The following GALNT17 variants were observed in gnomAD, a reference collection of about 807,000 sequenced individuals.
GALNT17 encodes the protein UDP-GalNAc:polypeptide N-acetylgalactosaminyltransferase-like 3.
A neutral mutation model predicts 63.7 loss-of-function variants in GALNT17; 29 were observed. The ratio of observed to expected loss-of-function variants is 0.46; its 90% CI spans 0.34 to 0.62. The LOEUF (loss-of-function observed/expected upper bound fraction) is 0.62. GALNT17 is among the 20% of genes least tolerant of loss of function. The pLI, the probability that GALNT17 is intolerant of heterozygous loss-of-function variation, is 0.01. For synonymous variants in GALNT17, 305 were observed against 318.3 expected (o/e 0.96, Z 0.45); for missense variants, 603 against 799.6 (o/e 0.75, Z 2.97).
chr7:71,532,540 A>G (rs1466375134), intron 5 of GALNT17, among the ~76,000 whole-genome samples: 1 of 152,200 alleles, frequency 6.6e-6, no homozygotes, highest in Admixed American at 6.5e-5. Flanking sequence ...AAGTGACCAA[A>G]TCTTGATTAA....
chr7:71,571,378 A>G lies in GALNT17; in HGVS notation c.1056A>G (p.Gly352=). The G allele has an allele frequency of 6.2e-7, 1 of 1,613,894 alleles. No homozygotes were observed. The highest frequency in any genetic ancestry group is 8.5e-7 in the Non-Finnish European group (1 of 1,179,850). ...LLDPGMDVYG[G]ENIELGIKVW... ...ATCCTGGCATGGATGTATACGGAGG[A>G]GAAAATATTGAACTGGGAATCAAGG... Residue 352 remains glycine (G), a synonymous_variant, in exon 6 of 11, where the codon GGA becomes GGG. Transcript: ENST00000333538.
intron 5 of GALNT17, among the ~76,000 whole-genome samples, chr7:71,541,242 CAA>C (rs9297114): frequency 0.5 from 72,945 of 145,560 alleles, 18,350 homozygotes; most frequent in African/African-American, 0.61. Context: ...GACACTGTCT[CAA>C]AAAAAAAAAA....
intron 6 of GALNT17, among the ~76,000 whole-genome samples, chr7:71,604,916 G>A (rs1311835615): frequency 6.6e-6 from 1 of 152,124 alleles, no homozygotes; most frequent in Non-Finnish European, 1.5e-5. Context: ...ATCATATGTG[G>A]CAAAGAGCAG....
intron 6 of GALNT17, among the ~76,000 whole-genome samples, chr7:71,625,833 C>A (rs867774197): frequency 2.0e-5 from 3 of 152,244 alleles, no homozygotes; most frequent in Middle Eastern, 3.4e-3. Flanking sequence ...TATGTTGAAG[C>A]CTTAATCCCC....
At chr7:71,312,414 C>T (rs566840072) in intron 1 of GALNT17, among the ~76,000 whole-genome samples, 133 of 152,296 alleles carry the variant, frequency 8.7e-4, no homozygotes, top group Non-Finnish European at 1.4e-3. Flanking sequence ...TAACTCCTGC[C>T]GTGATGTCAT....
chr7:71,633,650 C>T (rs1311904154), intron 6 of GALNT17, among the ~76,000 whole-genome samples: 4 of 152,116 alleles, frequency 2.6e-5, no homozygotes, highest in Non-Finnish European at 4.4e-5. Context: ...AGAGGATCCT[C>T]GCAGCATTTG....
At chr7:71,176,994 A>G (rs889389176) in intron 1 of GALNT17, among the ~76,000 whole-genome samples, 1 of 152,140 alleles carries the variant, frequency 6.6e-6, no homozygotes, top group Admixed American at 6.5e-5. Context: ...TAAGCTGTGA[A>G]TGTAGTTACT....
chr7:71,289,969 C>T (rs1033181860), intron 1 of GALNT17, among the ~76,000 whole-genome samples: 10 of 151,862 alleles, frequency 6.6e-5, no homozygotes, highest in South Asian at 4.2e-4. Flanking sequence ...TGCTTGAACC[C>T]GTGAGGCGGA....
At chr7:71,610,020 A>G (rs1790101529) in intron 6 of GALNT17, among the ~76,000 whole-genome samples, 1 of 152,178 alleles carries the variant, frequency 6.6e-6, no homozygotes, top group Admixed American at 6.5e-5. Context: ...TGTCTTTTTA[A>G]CTGTGTCCAT....
At chr7:71,334,271 C>G (rs1305407701) in intron 1 of GALNT17, among the ~76,000 whole-genome samples, 5 of 152,210 alleles carry the variant, frequency 3.3e-5, no homozygotes, top group African/African-American at 4.8e-5. Flanking sequence ...AACCGTCTCA[C>G]TACCGGAGCA....
At chr7:71,504,862 A>G (rs1244739638) in intron 5 of GALNT17, among the ~76,000 whole-genome samples, 3 of 151,848 alleles carry the variant, frequency 2.0e-5, no homozygotes, top group East Asian at 3.9e-4. Context: ...AGATCTCTCT[A>G]TGCACCTCTG....
At chr7:71,652,167 C>G (rs978116994) in intron 6 of GALNT17, among the ~76,000 whole-genome samples, 24 of 152,018 alleles carry the variant, frequency 1.6e-4, no homozygotes, top group African/African-American at 5.8e-4. Flanking sequence ...CTGAACTGCT[C>G]ATCACAAAAC....
chr7:71,268,389 A>G, intron 1 of GALNT17, among the ~76,000 whole-genome samples: 1 of 31,328 alleles, frequency 3.2e-5, no homozygotes, highest in Admixed American at 6.1e-4. Context: ...AAAAAATACA[A>G]AAAAAAAAAA....
At chr7:71,197,890 G>A (rs1345362294) in intron 1 of GALNT17, among the ~76,000 whole-genome samples, 8 of 151,778 alleles carry the variant, frequency 5.3e-5, no homozygotes, top group Non-Finnish European at 8.8e-5. Context: ...TTTATTTATT[G>A]TAATCTTCTG....
chr7:71,155,135 A>G (rs1788210618), intron 1 of GALNT17, among the ~76,000 whole-genome samples: 1 of 151,752 alleles, frequency 6.6e-6, no homozygotes, highest in Non-Finnish European at 1.5e-5. Flanking sequence ...GCTGTTGTGT[A>G]ATGGCTCCCT....
intron 6 of GALNT17, among the ~76,000 whole-genome samples, chr7:71,651,415 G>C (rs1302193147): frequency 2.0e-5 from 3 of 151,494 alleles, no homozygotes; most frequent in African/African-American, 7.3e-5. Flanking sequence ...CAATTCTCCT[G>C]CCTCAGACTC....
intron 6 of GALNT17, among the ~76,000 whole-genome samples, chr7:71,593,913 G>A (rs559270629): frequency 4.6e-5 from 7 of 152,140 alleles, no homozygotes; most frequent in Admixed American, 1.3e-4. Flanking sequence ...CTGGGGGCGC[G>A]TTCAGATTCC....
At chr7:71,452,132 T>C (rs1218456341) in intron 5 of GALNT17, among the ~76,000 whole-genome samples, 1 of 152,040 alleles carries the variant, frequency 6.6e-6, no homozygotes, top group Non-Finnish European at 1.5e-5. Flanking sequence ...AGTCCCAGCT[T>C]CTTGGGAGTC....
At position 71,680,609 on chromosome 7, in the gene GALNT17, TCCCTCTC is replaced by T. The variant is rs772614992; in HGVS notation, c.1500+3304_1500+3310del. ...CTCCCTCCCTCTCTCTCTTCCTCCC[TCCCTCTC>T]TCCCTCCTTCCTTTCCTTCCTTCCT... is the stretch of plus-strand genomic sequence containing the variant. On this transcript the variant is annotated intron_variant, in intron 9 of 10. Transcript: ENST00000333538. Among the ~76,000 whole-genome samples the T allele has an allele frequency of 0.058, 66 of 1,134 alleles. 32 individuals carry two copies. In the Non-Finnish European group the frequency reaches 0.61, roughly 10 times the overall value. 0.7% of individuals were successfully genotyped at this position (1,134 alleles called of 152,430 possible).
Sources: gnomAD v4.1 joint callset for allele counts (sites outside exome capture counted in the v4.1 genomes callset) on GRCh38, gnomAD v4.1.1 for gene constraint, MANE v1.5 for transcripts, NCBI Gene and HGNC (gene_info 2026-07-23, HGNC 2026-07-21) for gene names.